DNAH5: variants seen among roughly 807,000 people sequenced by gnomAD.
The protein encoded by DNAH5 is dynein axonemal heavy chain 5.
In DNAH5, 372 loss-of-function variants were observed where a neutral mutation model predicts 518.2. That is an observed-to-expected ratio of 0.72 (90% CI 0.66 to 0.78). The LOEUF is 0.78. Ranked by LOEUF, DNAH5 falls within the 30% of genes least tolerant of loss-of-function variation. The pLI, the probability that DNAH5 is intolerant of heterozygous loss-of-function variation, is 0.00. For missense variants in DNAH5, 5,523 were observed against 5,687.0 expected (o/e 0.97, Z 0.93); for synonymous variants, 2,039 against 2,025.9 (o/e 1.01, Z -0.17).
At position 13,941,360 on chromosome 5, in the gene DNAH5, A is replaced by G. The variant is rs556303202; in HGVS notation, c.57+3022T>C. 3.9e-5 allele frequency among the ~76,000 whole-genome samples: 6 copies of G among 152,164 alleles called. No homozygotes were observed. In the East Asian group the frequency reaches 1.2e-3, roughly 29 times the overall value. The stretch of plus-strand genomic sequence containing the variant: ...GTAACAGAGTGAGACTGTCTCTAAA[A>G]ATGGAAAAAAAATTTTTAAATAGAC... On this transcript the variant is annotated intron_variant, in intron 1 of 78. Coordinates refer to ENST00000265104, the MANE Select transcript of DNAH5 (RefSeq NM_001369.3).
chr5:13,902,706 C>G (rs1414969703), intron 12 of DNAH5, among the ~76,000 whole-genome samples: 1 of 152,202 alleles, frequency 6.6e-6, no homozygotes, highest in Non-Finnish European at 1.5e-5. Flanking sequence ...ACATAGTTTG[C>G]TGACCCCTGC....
intron 50 of DNAH5, among the ~76,000 whole-genome samples, chr5:13,790,087 A>G (rs1688324455): frequency 6.6e-6 from 1 of 152,176 alleles, no homozygotes; most frequent in Non-Finnish European, 1.5e-5. Context: ...GAGAACACAT[A>G]TATGCTATTG....
intron 14 of DNAH5, 36 bp from the exon 15 acceptor site, chr5:13,900,448 G>A (rs374907178): frequency 1.9e-6 from 3 of 1,544,228 alleles, no homozygotes. Context: ...CTATCAGAAA[G>A]TTCAATTCAT....
chr5:13,913,768 A>C lies in DNAH5; in HGVS notation c.1511T>G (p.Leu504Arg). The change falls in exon 11 of 79, where the codon CTG (leucine) becomes CGG (arginine). Residue 504 changes from leucine to arginine, a missense_variant. Leu to Arg is a moderately radical substitution (Grantham distance 102). This residue lies in a region of DNAH5 where 5,121 missense variants were observed against 5,223.3 expected (regional missense o/e 0.98). Coordinates refer to ENST00000265104, the MANE Select transcript of DNAH5 (RefSeq NM_001369.3). ...CTGGTATTTAGTGGCCATGTCTTCC[A>C]GCCCTTCAATTGTGGAATCTTGCAG... ...SVLQDSTIEG[L>R]EDMATKYQGI... The C allele has an allele frequency of 6.2e-7, 1 of 1,613,562 alleles. No individual in the cohort carries two copies. The highest frequency in any genetic ancestry group is 8.5e-7 in the Non-Finnish European group (1 of 1,179,508).
At chr5:13,852,781 C>T (rs186914734) in intron 30 of DNAH5, among the ~76,000 whole-genome samples, 264 of 152,296 alleles carry the variant, frequency 1.7e-3, no homozygotes, top group African/African-American at 6.1e-3. Context: ...GAGCCCACTG[C>T]AGCACCACAA....
rs1745916023 is a variant in DNAH5, at chr5:13,727,517, G to A, written c.12023C>T (p.Thr4008Ile). ...ATATGGACTTTTTACCTGGGCGATG[G>A]TTCTGTCAGGACACCAGGATCTAAT... Reference protein sequence around the residue: ...LLIRSWCPDRTIAQARKYIVD... With the variant: ...LLIRSWCPDRIIAQARKYIVD... Residue 4008 changes from threonine to isoleucine, a missense_variant, in exon 70 of 79, where the codon ACC becomes ATC. Thr to Ile is a moderately conservative substitution (Grantham distance 89). Transcript: ENST00000265104. 6.2e-7 allele frequency: 1 copy of A among 1,612,894 alleles called. No individual in the cohort carries two copies. Among genetic ancestry groups the A allele is most frequent in the African/African-American group, 1.3e-5 (1 of 74,846 alleles).
In DNAH5 at chr5:13,751,254, C is replaced by G; in HGVS notation, c.11035G>C (p.Val3679Leu). Reference protein sequence around the residue: ...IKTGSTFKVKVGDKEVDVLDG... With the variant: ...IKTGSTFKVKLGDKEVDVLDG... ...AACACATCTACTTCCTTGTCACCAACTTTCACCTTTTTTATAAAAAGAAAT... is the reference window on the plus strand; with the variant it reads ...AACACATCTACTTCCTTGTCACCAAGTTTCACCTTTTTTATAAAAAGAAAT... Residue 3679 changes from valine to leucine, a missense_variant, in exon 65 of 79, where the codon GTT becomes CTT. Val to Leu is a conservative substitution (Grantham distance 32, BLOSUM62 1). Around this residue, in one of 3 missense-constraint regions of DNAH5, gnomAD observed 5,121 missense variants for 5,223.3 expected, o/e 0.98. Coordinates refer to ENST00000265104, the MANE Select transcript of DNAH5 (RefSeq NM_001369.3). The G allele has an allele frequency of 6.2e-7, 1 of 1,613,056 alleles. No individual in the cohort carries two copies. The highest frequency in any genetic ancestry group is 8.5e-7 in the Non-Finnish European group (1 of 1,179,724).
intron 78 of DNAH5, among the ~76,000 whole-genome samples, chr5:13,695,873 C>A (rs1561064411): frequency 6.6e-6 from 1 of 152,104 alleles, no homozygotes; most frequent in Non-Finnish European, 1.5e-5. Flanking sequence ...CACACATGCA[C>A]ACGCACATAC....
intron 47 of DNAH5, among the ~76,000 whole-genome samples, chr5:13,803,553 A>G (rs771111826): frequency 8.4e-4 from 128 of 152,244 alleles, no homozygotes; most frequent in Admixed American, 3.3e-4. Flanking sequence ...TCTGCCACCA[A>G]CTAAGTGAAT....
intron 49 of DNAH5, 116 bp from the exon 50 acceptor site, chr5:13,792,333 C>A: frequency 2.5e-6 from 2 of 799,022 alleles, no homozygotes; most frequent in South Asian, 1.6e-5. Flanking sequence ...AATAGATAAT[C>A]ACATATAAAA....
At chr5:13,841,936 A>AG (rs1554073135) in intron 32 of DNAH5, 32 bp from the exon 33 acceptor site, 12,959 of 1,070,544 alleles carry the variant, frequency 0.012, 98 homozygotes, top group Middle Eastern at 0.022. Flanking sequence ...AAAAAAAAAA[A>AG]AGCTATAGTC....
At chr5:13,837,139 C>T (rs1022115350) in intron 35 of DNAH5, among the ~76,000 whole-genome samples, 14 of 152,364 alleles carry the variant, frequency 9.2e-5, no homozygotes, top group African/African-American at 3.1e-4. Context: ...GTGAGACCCA[C>T]GTCAGACTTC....
intron 39 of DNAH5, among the ~76,000 whole-genome samples, chr5:13,823,810 T>G (rs1762543401): frequency 6.6e-6 from 1 of 152,236 alleles, no homozygotes; most frequent in African/African-American, 2.4e-5. Context: ...TGGGCATTGA[T>G]TATCAGTCTC....
intron 76 of DNAH5, among the ~76,000 whole-genome samples, chr5:13,704,369 G>A (rs1742518285): frequency 6.6e-6 from 1 of 152,218 alleles, no homozygotes; most frequent in Non-Finnish European, 1.5e-5. Flanking sequence ...TCTCTGTAGA[G>A]GAAGCTGTCT....
chr5:13,797,976 T>G (rs1758084319), intron 47 of DNAH5, among the ~76,000 whole-genome samples: 1 of 151,544 alleles, frequency 6.6e-6, no homozygotes. Flanking sequence ...ACACTGCATG[T>G]TCTCACTCAT....
At chr5:13,712,804 T>C (rs1436770179) in intron 75 of DNAH5, among the ~76,000 whole-genome samples, 1 of 151,952 alleles carries the variant, frequency 6.6e-6, no homozygotes, top group Non-Finnish European at 1.5e-5. Context: ...ATGGCCATAA[T>C]CGAAAAATCA....
rs111313933 is a variant in DNAH5 at position 13,788,926 on chromosome 5, A to G, written c.8449-12T>C. 0.03 allele frequency: 48,793 copies of G among 1,612,092 alleles called. 838 individuals are homozygous for G. The highest frequency in any genetic ancestry group is 0.034 in the Middle Eastern group (206 of 6,056). On this transcript the variant is annotated splice_polypyrimidine_tract_variant and intron_variant, in intron 50 of 78. Coordinates refer to ENST00000265104, the MANE Select transcript of DNAH5 (RefSeq NM_001369.3). ...AGCTTTAACAGATCCTGTTGAAAGTATAATTAAAATGTGTTAGTAATTCCT... is the reference window on the plus strand; with the variant it reads ...AGCTTTAACAGATCCTGTTGAAAGTGTAATTAAAATGTGTTAGTAATTCCT...
chr5:13,699,323 C>T (rs1741768305), intron 78 of DNAH5, among the ~76,000 whole-genome samples: 1 of 152,190 alleles, frequency 6.6e-6, no homozygotes, highest in South Asian at 2.1e-4. Flanking sequence ...CTGTGAGTCT[C>T]TGGGAGCTGG....
In DNAH5 at chr5:13,727,526, G is replaced by C; in HGVS notation, c.12014C>G (p.Pro4005Arg). 6.2e-7 allele frequency: 1 copy of C among 1,613,316 alleles called. No homozygotes were observed. The highest frequency in any genetic ancestry group is 8.5e-7 in the Non-Finnish European group (1 of 1,179,522). Residue 4005 changes from proline (P) to arginine (R), a missense_variant, in exon 70 of 79, where the codon CCT (proline) becomes CGT (arginine). Coordinates refer to ENST00000265104, the MANE Select transcript of DNAH5 (RefSeq NM_001369.3). ...RRLLLIRSWCPDRTIAQARKY... is the reference protein window; with the variant it reads ...RRLLLIRSWCRDRTIAQARKY... Reference sequence around the variant, plus strand: ...TTTTACCTGGGCGATGGTTCTGTCAGGACACCAGGATCTAATAAGGAGAAG... The same window carrying C: ...TTTTACCTGGGCGATGGTTCTGTCACGACACCAGGATCTAATAAGGAGAAG...
Sources: allele counts gnomAD v4.1 joint callset (sites outside exome capture counted in the v4.1 genomes callset), GRCh38; gene constraint gnomAD v4.1.1; regional missense constraint gnomAD v4.1.1; transcripts MANE v1.5; gene names NCBI Gene and HGNC (gene_info 2026-07-23, HGNC 2026-07-21).